Variants in FGF14 observed in about 807,000 individuals in gnomAD.
FGF14 encodes fibroblast growth factor 14, also known as fibroblast growth factor homologous factor 4.
In FGF14, 5 loss-of-function variants were observed where a neutral mutation model predicts 25.5. The ratio of observed to expected loss-of-function variants is 0.20; its 90% CI spans 0.10 to 0.41. The LOEUF is 0.41. FGF14 is among the 10% of genes least tolerant of loss of function. FGF14 has a pLI of 1.00. For missense variants in FGF14, 222 were observed against 320.1 expected (o/e 0.69, Z 2.34); for synonymous variants, 138 against 118.3 (o/e 1.17, Z -1.08).
chr13:101,973,463 A>C (rs2037735989), intron 1 of FGF14, among the ~76,000 whole-genome samples: 2 of 152,174 alleles, frequency 1.3e-5, no homozygotes, highest in Non-Finnish European at 2.9e-5. Context: ...GACAGAACTA[A>C]TTGAATATGT....
chr13:101,869,232 G>C (rs565493850), intron 2 of FGF14, among the ~76,000 whole-genome samples: 1 of 152,292 alleles, frequency 6.6e-6, no homozygotes, highest in South Asian at 2.1e-4. Context: ...GGTGTGATTT[G>C]TCATTGCAAT....
intron 2 of FGF14, among the ~76,000 whole-genome samples, chr13:101,869,808 T>C (rs749406102): frequency 5.3e-5 from 8 of 152,196 alleles, no homozygotes; most frequent in African/African-American, 1.9e-4. Flanking sequence ...ACCAAGTCAT[T>C]TGAAAAATGT....
At chr13:101,981,228 C>T (rs1056834750) in intron 1 of FGF14, among the ~76,000 whole-genome samples, 1 of 151,546 alleles carries the variant, frequency 6.6e-6, no homozygotes, top group South Asian at 2.1e-4. Context: ...TCCATTGAGC[C>T]GAGATTGCGT....
intron 1 of FGF14, among the ~76,000 whole-genome samples, chr13:102,336,052 A>G (rs988086592): frequency 2.0e-5 from 3 of 152,124 alleles, no homozygotes; most frequent in Admixed American, 1.3e-4. Flanking sequence ...GATGAGGCCA[A>G]TTAAGAACCC....
intron 1 of FGF14, among the ~76,000 whole-genome samples, chr13:102,104,238 A>T (rs573682414): frequency 5.9e-5 from 9 of 152,300 alleles, no homozygotes; most frequent in East Asian, 1.9e-4. Flanking sequence ...AGCAACCAAC[A>T]TCTATTAAAC....
At chr13:101,946,081 T>A (rs1218784243) in intron 1 of FGF14, among the ~76,000 whole-genome samples, 1 of 152,194 alleles carries the variant, frequency 6.6e-6, no homozygotes, top group Non-Finnish European at 1.5e-5. Context: ...ATATCCATGC[T>A]AATCTTTTAT....
Position 102,189,516 on chromosome 13 carries a change from TACA to T in FGF14, c.208+211952_208+211954del, listed in dbSNP as rs2049041829. ...GAGGTATTATGGAGGTAGAATCCCT[TACA>T]ACATTTAGGAGCACCTTTAAGTTCA... is the stretch of plus-strand genomic sequence containing the variant. On this transcript the variant is annotated intron_variant, in intron 1 of 4. Coordinates refer to the FGF14 transcript ENST00000376131. 2.6e-5 allele frequency among the ~76,000 whole-genome samples: 4 copies of T among 152,252 alleles called. No homozygotes were observed. In the South Asian group the frequency reaches 6.2e-4, roughly 24 times the overall value.
In FGF14 at chr13:101,715,832, G is replaced by T; in HGVS notation, c.*6999C>A. 2.1e-6 allele frequency: 1 copy of T among 472,216 alleles called. No individual in the cohort carries two copies. Among genetic ancestry groups the T allele is most frequent in the African/African-American group, 2.0e-5 (1 of 50,372 alleles). 29.3% of individuals were successfully genotyped at this position (472,216 alleles called of 1,614,324 possible). A position where few individuals can be genotyped will look rare whatever the true frequency, so the allele number is the denominator to read the frequency against. On this transcript the variant is annotated 3_prime_UTR_variant, in exon 5 of 5. Transcript: ENST00000376143. The stretch of plus-strand genomic sequence containing the variant: ...ATTAGAAATGAGTTATGCAAATTTA[G>T]ATGCAAATAACATTAGAAAAAAAAG...
intron 3 of FGF14, among the ~76,000 whole-genome samples, chr13:101,744,296 T>G (rs1958535289): frequency 6.6e-6 from 1 of 152,090 alleles, no homozygotes; most frequent in South Asian, 2.1e-4. Context: ...ATTTCAGGGC[T>G]GTTACCACCT....
intron 1 of FGF14, among the ~76,000 whole-genome samples, chr13:102,273,074 T>C (rs1455275601): frequency 2.0e-5 from 3 of 152,202 alleles, no homozygotes; most frequent in Admixed American, 2.0e-4. Flanking sequence ...AATTCCAATG[T>C]CTGTCCTTAG....
At chr13:102,115,375 T>C (rs997221111) in intron 1 of FGF14, among the ~76,000 whole-genome samples, 5 of 152,170 alleles carry the variant, frequency 3.3e-5, no homozygotes, top group African/African-American at 1.2e-4. Flanking sequence ...TGCTCAAAAA[T>C]GAGCAATTAT....
intron 3 of FGF14, among the ~76,000 whole-genome samples, chr13:101,860,334 T>C (rs1378161443): frequency 6.6e-6 from 1 of 152,078 alleles, no homozygotes; most frequent in Non-Finnish European, 1.5e-5. Context: ...GTTTTCTCTA[T>C]GCACTCCCCA....
chr13:102,154,789 G>T (rs1323100274), intron 1 of FGF14, among the ~76,000 whole-genome samples: 3 of 151,676 alleles, frequency 2.0e-5, no homozygotes, highest in African/African-American at 4.8e-5. Flanking sequence ...ATGCAGACAC[G>T]CATAGGCTCA....
chr13:101,870,756 C>A (rs189686588), intron 2 of FGF14, among the ~76,000 whole-genome samples: 1 of 152,062 alleles, frequency 6.6e-6, no homozygotes, highest in East Asian at 1.9e-4. Context: ...GAGTTCGAGA[C>A]CAGCCTGACC....
intron 1 of FGF14, among the ~76,000 whole-genome samples, chr13:102,282,136 G>A (rs949838286): frequency 4.0e-5 from 6 of 150,280 alleles, no homozygotes; most frequent in South Asian, 2.1e-4. Context: ...GCACGATCTC[G>A]GCTCACCGCA....
At chr13:102,189,043 AGAAAGAATGAAAGAAGAAAAG>A (rs2049017897) in intron 1 of FGF14, among the ~76,000 whole-genome samples, 2 of 65,230 alleles carry the variant, frequency 3.1e-5, no homozygotes, top group Non-Finnish European at 6.8e-5. Context: ...AGAAAGAAAG[AGAAAGAATGAAAGAAGAAAAG>A]AAAGAAAGAA....
intron 1 of FGF14, among the ~76,000 whole-genome samples, chr13:102,374,851 C>T (rs1265420698): frequency 6.6e-6 from 1 of 151,218 alleles, no homozygotes; most frequent in Non-Finnish European, 1.5e-5. Flanking sequence ...GTAGTTTATG[C>T]AATTTTAACT....
At chr13:102,259,750 A>G (rs909044724) in intron 1 of FGF14, among the ~76,000 whole-genome samples, 2 of 152,186 alleles carry the variant, frequency 1.3e-5, no homozygotes, top group African/African-American at 4.8e-5. Flanking sequence ...ATAGATAAAG[A>G]TAAAGCACTG....
At chr13:101,824,133 T>C (rs2042292394) in intron 3 of FGF14, among the ~76,000 whole-genome samples, 1 of 152,204 alleles carries the variant, frequency 6.6e-6, no homozygotes, top group Non-Finnish European at 1.5e-5. Context: ...TTGCTTGTTA[T>C]AGAATTATAG....
Sources: allele counts gnomAD v4.1 joint callset (sites outside exome capture counted in the v4.1 genomes callset), GRCh38; gene constraint gnomAD v4.1.1; transcripts MANE v1.5; gene names NCBI Gene and HGNC (gene_info 2026-07-23, HGNC 2026-07-21).